The following RGS17 variants were observed in gnomAD, a reference collection of about 807,000 sequenced individuals.
RGS17 encodes the protein regulator of G-protein signaling 17.
A neutral mutation model predicts 25.5 loss-of-function variants in RGS17; 12 were observed. That is an observed-to-expected ratio of 0.47 (90% CI 0.30 to 0.76). The LOEUF (loss-of-function observed/expected upper bound fraction) is 0.76. RGS17 is among the 30% of genes least tolerant of loss of function. RGS17 has a pLI of 0.07. For synonymous variants in RGS17, 71 were observed against 76.9 expected, an observed-to-expected ratio of 0.92 and a Z score of 0.40; for missense variants, 196 against 242.2, an observed-to-expected ratio of 0.81 and a Z score of 1.27.
intron 2 of RGS17, among the ~76,000 whole-genome samples, chr6:153,034,301 A>G (rs677197): frequency 0.89 from 135,386 of 152,168 alleles, 60,529 homozygotes; most frequent in African/African-American, 0.97. Flanking sequence ...GGAATCCTGC[A>G]GCTGTGCAGT....
At chr6:153,023,675 A>C (rs1779269324) in intron 4 of RGS17, among the ~76,000 whole-genome samples, 1 of 152,218 alleles carries the variant, frequency 6.6e-6, no homozygotes, top group Admixed American at 6.5e-5. Flanking sequence ...CCCACCTAAG[A>C]ATATTAGTGG....
intron 4 of RGS17, among the ~76,000 whole-genome samples, chr6:153,012,727 T>G (rs910407532): frequency 2.0e-5 from 3 of 152,254 alleles, no homozygotes; most frequent in Non-Finnish European, 4.4e-5. Context: ...ATAGGACCTG[T>G]GAACCATAGT....
chr6:153,076,418 T>A (rs1258564459), intron 1 of RGS17, among the ~76,000 whole-genome samples: 1 of 152,196 alleles, frequency 6.6e-6, no homozygotes, highest in Admixed American at 6.5e-5. Context: ...CTGTGATTTT[T>A]AAAATGTATT....
At chr6:153,033,083 A>C (rs1370781800) in intron 2 of RGS17, among the ~76,000 whole-genome samples, 1 of 152,184 alleles carries the variant, frequency 6.6e-6, no homozygotes, top group East Asian at 1.9e-4. Context: ...TGACCCATGG[A>C]AACTGAAGAC....
At chr6:153,121,265 C>T (rs1777627322) in intron 1 of RGS17, among the ~76,000 whole-genome samples, 1 of 152,204 alleles carries the variant, frequency 6.6e-6, no homozygotes, top group South Asian at 2.1e-4. Context: ...AAAGACTTTT[C>T]TCTCTTTCCT....
At chr6:153,122,609 GAAGAA>G (rs1189167743) in intron 1 of RGS17, among the ~76,000 whole-genome samples, 1 of 152,028 alleles carries the variant, frequency 6.6e-6, no homozygotes, top group African/African-American at 2.4e-5. Context: ...ATTCCTACCA[GAAGAA>G]AATAAGACAG....
intron 1 of RGS17, among the ~76,000 whole-genome samples, chr6:153,121,552 C>T (rs1777631487): frequency 6.6e-6 from 1 of 152,172 alleles, no homozygotes; most frequent in African/African-American, 2.4e-5. Context: ...TCCAAGCTCA[C>T]TTGTTACTCC....
intron 1 of RGS17, among the ~76,000 whole-genome samples, chr6:153,089,066 T>C (rs1777089928): frequency 6.6e-6 from 1 of 152,202 alleles, no homozygotes; most frequent in African/African-American, 2.4e-5. Flanking sequence ...AAAAGGATTT[T>C]TTTCAAACAC....
intron 2 of RGS17, among the ~76,000 whole-genome samples, chr6:153,039,179 G>A (rs1279857717): frequency 6.6e-6 from 1 of 152,070 alleles, no homozygotes; most frequent in Non-Finnish European, 1.5e-5. Context: ...AAAGTGGACC[G>A]AACAACGGGA....
chr6:153,071,034 T>TGC (rs1776793716), intron 1 of RGS17, among the ~76,000 whole-genome samples: 5 of 148,130 alleles, frequency 3.4e-5, no homozygotes, highest in African/African-American at 1.3e-4. Flanking sequence ...TATGTATATA[T>TGC]ACGTATATGT....
intron 1 of RGS17, among the ~76,000 whole-genome samples, chr6:153,064,197 A>C (rs1282208209): frequency 6.6e-6 from 1 of 152,236 alleles, no homozygotes; most frequent in Non-Finnish European, 1.5e-5. Context: ...AGAGTACTAT[A>C]ACATTGTAAC....
intron 4 of RGS17, chr6:153,023,293 C>T: frequency 6.7e-6 from 3 of 449,912 alleles, no homozygotes; most frequent in East Asian, 6.2e-5. Context: ...AAGAGAGGGG[C>T]ATGCCATTTA....
At position 153,007,453 on chromosome 6, in the gene RGS17, C is replaced by T. The variant is rs904076122; in HGVS notation, c.*4121G>A. The stretch of plus-strand genomic sequence containing the variant: ...TAAACTGTCAATGTAAACAGATAGG[C>T]GAAAATATTTTTTGGAAATATCTTT... On this transcript the variant is annotated 3_prime_UTR_variant, in exon 5 of 5. Transcript: ENST00000206262. 6.6e-5 allele frequency: 10 copies of T among 151,696 alleles called. No individual in the cohort carries two copies. Among genetic ancestry groups the T allele is most frequent in the African/African-American group, 1.5e-4 (6 of 41,276 alleles). The allele number at this position is 151,696 out of a possible 1,614,324, so 9.4% of individuals were successfully genotyped here.
chr6:153,120,810 T>C (rs1202973592), intron 1 of RGS17, among the ~76,000 whole-genome samples: 1 of 151,454 alleles, frequency 6.6e-6, no homozygotes, highest in Non-Finnish European at 1.5e-5. Context: ...TGATTCTGCA[T>C]CTATCTTTAT....
At chr6:153,101,304 A>G (rs1031500383) in intron 1 of RGS17, among the ~76,000 whole-genome samples, 1 of 152,162 alleles carries the variant, frequency 6.6e-6, no homozygotes, top group African/African-American at 2.4e-5. Context: ...ACAGGATGCA[A>G]AACTGCATAG....
intron 1 of RGS17, among the ~76,000 whole-genome samples, chr6:153,062,769 G>A (rs907043287): frequency 1.3e-5 from 2 of 152,070 alleles, no homozygotes; most frequent in African/African-American, 4.8e-5. Context: ...GAAGAGTGGG[G>A]AAGACTTTGT....
chr6:153,104,316 T>C (rs1291274462), intron 1 of RGS17, among the ~76,000 whole-genome samples: 1 of 152,224 alleles, frequency 6.6e-6, no homozygotes, highest in Non-Finnish European at 1.5e-5. Context: ...TCACTAGGTA[T>C]CACTAGGCCT....
At chr6:153,100,304 AG>A (rs1263847250) in intron 1 of RGS17, among the ~76,000 whole-genome samples, 1 of 152,198 alleles carries the variant, frequency 6.6e-6, no homozygotes, top group African/African-American at 2.4e-5. Flanking sequence ...TTCATCACAT[AG>A]TTTATCTGTT....
intron 1 of RGS17, among the ~76,000 whole-genome samples, chr6:153,075,663 T>C (rs898385473): frequency 6.6e-6 from 1 of 152,128 alleles, no homozygotes; most frequent in Admixed American, 6.6e-5. Flanking sequence ...GAAAACTCCC[T>C]GGAGGGCACT....
Sources: gnomAD v4.1 joint callset for allele counts (sites outside exome capture counted in the v4.1 genomes callset) on GRCh38, gnomAD v4.1.1 for gene constraint, MANE v1.5 for transcripts, NCBI Gene and HGNC (gene_info 2026-07-23, HGNC 2026-07-21) for gene names.